The following MAF variants were observed in gnomAD, a reference collection of about 807,000 sequenced individuals.
The protein encoded by MAF is MAF bZIP transcription factor.
A neutral mutation model predicts 22.0 loss-of-function variants in MAF; 10 were observed. The observed-to-expected ratio is 0.45, with a 90% confidence interval of 0.28 to 0.77. The LOEUF (loss-of-function observed/expected upper bound fraction) is 0.77, where lower values mean the gene tolerates loss of function less well. Among genes scored for constraint, MAF ranks in the 30% least tolerant of loss-of-function variants. MAF has a pLI of 0.12. For missense variants in MAF, 544 were observed against 548.4 expected, an observed-to-expected ratio of 0.99 and a Z score of 0.08; for synonymous variants, 337 against 255.8, an observed-to-expected ratio of 1.32 and a Z score of -3.03.
At chr16:79,293,527 G>T in the MAF span, among the ~76,000 whole-genome samples, 3 of 152,150 alleles carry the variant, frequency 2.0e-5, no homozygotes, top group Non-Finnish European at 2.9e-5. Context: ...TATATGCAAT[G>T]ATCAATGTTT....
the MAF span, chr16:79,212,432 A>G: frequency 3.3e-6 from 1 of 298,810 alleles, no homozygotes; most frequent in Non-Finnish European, 6.2e-6. Flanking sequence ...CTATGCAAAA[A>G]ATTCTTTAGA....
the MAF span, among the ~76,000 whole-genome samples, chr16:79,391,506 G>A: frequency 6.6e-6 from 1 of 152,144 alleles, no homozygotes; most frequent in Non-Finnish European, 1.5e-5. Flanking sequence ...TAAAGAGTTG[G>A]CAGGAAATGG....
the MAF span, among the ~76,000 whole-genome samples, chr16:79,310,493 C>G: frequency 6.6e-6 from 1 of 152,164 alleles, no homozygotes. Flanking sequence ...CTAGGTTGAC[C>G]ACCTTTAGTA....
chr16:79,339,454 G>T, the MAF span, among the ~76,000 whole-genome samples: 1 of 152,126 alleles, frequency 6.6e-6, no homozygotes, highest in Non-Finnish European at 1.5e-5. Context: ...GAGGATAACA[G>T]ACCCACACAT....
the MAF span, among the ~76,000 whole-genome samples, chr16:79,502,708 A>AATATAAAT: frequency 9.7e-4 from 33 of 33,884 alleles, 1 homozygote; most frequent in African/African-American, 2.1e-3. Flanking sequence ...TATAAATATA[A>AATATAAAT]ATATATATAT....
chr16:79,399,952 C>T, the MAF span, among the ~76,000 whole-genome samples: 2 of 152,190 alleles, frequency 1.3e-5, no homozygotes, highest in African/African-American at 4.8e-5. Flanking sequence ...CAAATGTAAA[C>T]TTAACCCTGG....
At chr16:79,207,591 A>C in the MAF span, among the ~76,000 whole-genome samples, 3 of 152,192 alleles carry the variant, frequency 2.0e-5, no homozygotes, top group Admixed American at 6.5e-5. Flanking sequence ...GAATATATAG[A>C]TATGCCATGA....
At chr16:79,405,382 G>A in the MAF span, among the ~76,000 whole-genome samples, 2 of 152,144 alleles carry the variant, frequency 1.3e-5, no homozygotes, top group Admixed American at 6.5e-5. Context: ...AAGAAATGAA[G>A]GACTCCCAGA....
At chr16:79,422,785 G>C in the MAF span, among the ~76,000 whole-genome samples, 2 of 152,078 alleles carry the variant, frequency 1.3e-5, no homozygotes, top group African/African-American at 4.8e-5. Context: ...GAAAGTAATT[G>C]CAGTTTTTGC....
the MAF span, among the ~76,000 whole-genome samples, chr16:79,453,747 C>A: frequency 6.6e-6 from 1 of 152,186 alleles, no homozygotes; most frequent in South Asian, 2.1e-4. Context: ...TAGAACGTCA[C>A]TGCTATTCTC....
chr16:79,445,393 T>C, the MAF span, among the ~76,000 whole-genome samples: 1 of 152,208 alleles, frequency 6.6e-6, no homozygotes, highest in Non-Finnish European at 1.5e-5. Context: ...ACAGGTTGTT[T>C]GTTTGTTTAA....
At chr16:79,501,105 T>A in the MAF span, among the ~76,000 whole-genome samples, 2 of 152,136 alleles carry the variant, frequency 1.3e-5, no homozygotes, top group Non-Finnish European at 2.9e-5. Context: ...AAGTCCTAAA[T>A]CAAGGTGTCA....
the MAF span, among the ~76,000 whole-genome samples, chr16:79,249,672 T>C: frequency 5.3e-5 from 8 of 152,182 alleles, no homozygotes; most frequent in African/African-American, 1.7e-4. Context: ...TTTAGATAAT[T>C]AAATCTCCCT....
the MAF span, among the ~76,000 whole-genome samples, chr16:79,246,335 T>C: frequency 1.2e-4 from 18 of 152,270 alleles, no homozygotes; most frequent in Admixed American, 1.0e-3. Context: ...TTACCTCTCA[T>C]TTACCTGTTT....
the MAF span, among the ~76,000 whole-genome samples, chr16:79,523,333 G>A: frequency 6.6e-6 from 1 of 152,226 alleles, no homozygotes; most frequent in Non-Finnish European, 1.5e-5. Flanking sequence ...TGAAGGGAGG[G>A]AGACTACAGA....
At chr16:79,515,769 TA>T in the MAF span, among the ~76,000 whole-genome samples, 7 of 152,202 alleles carry the variant, frequency 4.6e-5, no homozygotes, top group African/African-American at 1.7e-4. Context: ...GGCAGTCACA[TA>T]AGTTGCCTCC....
the MAF span, among the ~76,000 whole-genome samples, chr16:79,244,486 A>ACT: frequency 6.6e-6 from 1 of 152,076 alleles, no homozygotes; most frequent in Non-Finnish European, 1.5e-5. Context: ...AGAGAATAAA[A>ACT]TACCTAGGAA....
the MAF span, among the ~76,000 whole-genome samples, chr16:79,220,631 G>A: frequency 1.2e-4 from 18 of 152,072 alleles, no homozygotes; most frequent in African/African-American, 3.9e-4. Flanking sequence ...AATATAAATC[G>A]TGGTTTAGTA....
the MAF span, among the ~76,000 whole-genome samples, chr16:79,493,834 C>T: frequency 6.6e-6 from 1 of 151,874 alleles, no homozygotes; most frequent in African/African-American, 2.4e-5. Context: ...ACTTTGCTTC[C>T]CCCAAAGCCT....
Sources: gnomAD v4.1 joint callset for allele counts (sites outside exome capture counted in the v4.1 genomes callset) on GRCh38, gnomAD v4.1.1 for gene constraint, MANE v1.5 for transcripts, NCBI Gene and HGNC (gene_info 2026-07-23, HGNC 2026-07-21) for gene names.